The following NSUN6 variants were observed in gnomAD, a reference collection of about 807,000 sequenced individuals.
NSUN6 encodes the protein tRNA (cytosine(72)-C(5))-methyltransferase NSUN6.
Under a neutral mutation model 58.0 loss-of-function variants are expected in NSUN6, and 64 were observed. The observed-to-expected ratio is 1.10, with a 90% CI of 0.90 to 1.36. NSUN6 has a LOEUF of 1.36. Among genes scored for constraint, NSUN6 ranks in the 40% most tolerant of loss-of-function variants. NSUN6 has a pLI of 0.00. For synonymous variants in NSUN6, 231 were observed against 193.9 expected (o/e 1.19, Z -1.59); for missense variants, 701 against 550.1 (o/e 1.27, Z -2.74).
upstream of NSUN6, chr10:18,655,036 CA>C: frequency 1.0e-6 from 1 of 977,906 alleles, no homozygotes. Flanking sequence ...GAGAACTTCC[CA>C]TTTTTCTTGC....
chr10:18,567,617 CATTCCATTCTCT>C (rs1196738925), intron 8 of NSUN6, among the ~76,000 whole-genome samples: 3 of 149,586 alleles, frequency 2.0e-5, no homozygotes, highest in East Asian at 2.0e-4. Context: ...TTCTCTATTC[CATTCCATTCTCT>C]ATTCCATTCT....
intron 8 of NSUN6, among the ~76,000 whole-genome samples, chr10:18,580,155 A>AAACAAC (rs1227384995): frequency 6.6e-6 from 1 of 152,234 alleles, no homozygotes; most frequent in African/African-American, 2.4e-5. Flanking sequence ...GCAAAAACAA[A>AAACAAC]AACAACCCTT....
intron 7 of NSUN6, among the ~76,000 whole-genome samples, chr10:18,591,147 T>C (rs1273198486): frequency 6.6e-6 from 1 of 152,032 alleles, no homozygotes; most frequent in Non-Finnish European, 1.5e-5. Context: ...AAGAAATGGA[T>C]AAATTCCTGG....
chr10:18,558,436 G>A (rs1346435834), intron 8 of NSUN6, among the ~76,000 whole-genome samples: 1 of 150,556 alleles, frequency 6.6e-6, no homozygotes, highest in Non-Finnish European at 1.5e-5. Context: ...TGGAATGGAG[G>A]ATGGTGTGGA....
At chr10:18,571,312 C>T (rs1310532683) in intron 8 of NSUN6, among the ~76,000 whole-genome samples, 1 of 150,772 alleles carries the variant, frequency 6.6e-6, no homozygotes, top group African/African-American at 2.4e-5. Flanking sequence ...CATTCCATTC[C>T]CTTCTTTTCT....
chr10:18,584,146 A>AG (rs928833000), intron 8 of NSUN6, among the ~76,000 whole-genome samples: 8 of 152,122 alleles, frequency 5.3e-5, no homozygotes, highest in African/African-American at 1.9e-4. Context: ...TGTGGGGAGT[A>AG]GGGGGCACTT....
rs769052328 is a variant in NSUN6, at chr10:18,546,128, T to C, written c.1215A>G (p.Gly405=). 1 of 1,612,928 alleles carries C rather than the reference T, an allele frequency of 6.2e-7. No individual in the cohort carries two copies. Among genetic ancestry groups the C allele is most frequent in the South Asian group, 1.1e-5 (1 of 91,040 alleles). Reference sequence around the variant, plus strand: ...AGAGCCCAGCTCCCCTCATTCCTTCTCCTCCAATCTGCGGTTCCTGTTTGG... The same window carrying C: ...AGAGCCCAGCTCCCCTCATTCCTTCCCCTCCAATCTGCGGTTCCTGTTTGG... The part of the protein sequence containing the change: ...QLQPQEPQIG[G]EGMRGAGLSC... Residue 405 remains glycine, a synonymous_variant, in exon 11 of 11, where the codon GGA becomes GGG. Transcript: ENST00000377304.
chr10:18,560,053 A>G (rs1328408407), intron 8 of NSUN6, among the ~76,000 whole-genome samples: 1 of 95,486 alleles, frequency 1.0e-5, no homozygotes, highest in Admixed American at 1.3e-4. Flanking sequence ...TGGAGAATGG[A>G]ATGAAATGGA....
At chr10:18,557,991 C>T (rs1341789572) in intron 8 of NSUN6, among the ~76,000 whole-genome samples, 7 of 145,268 alleles carry the variant, frequency 4.8e-5, no homozygotes, top group Admixed American at 2.1e-4. Flanking sequence ...TAGAATGCAA[C>T]TGAATGGGAT....
At chr10:18,546,292 A>T in intron 10 of NSUN6, 147 bp from the exon 11 acceptor site, 4 of 683,134 alleles carry the variant, frequency 5.9e-6, no homozygotes, top group Non-Finnish European at 1.1e-5. Flanking sequence ...ATTTTGGTGG[A>T]ACATACGTGC....
At chr10:18,649,851 AT>A (rs1314203075) in intron 1 of NSUN6, among the ~76,000 whole-genome samples, 1 of 152,144 alleles carries the variant, frequency 6.6e-6, no homozygotes, top group Non-Finnish European at 1.5e-5. Context: ...TGTGCCTTAT[AT>A]TTTAAGTCCC....
intron 8 of NSUN6, among the ~76,000 whole-genome samples, chr10:18,583,351 C>G (rs568101763): frequency 1.3e-5 from 2 of 152,260 alleles, no homozygotes; most frequent in African/African-American, 4.8e-5. Context: ...CACCTGCACC[C>G]AGGTGAATTA....
intron 6 of NSUN6, among the ~76,000 whole-genome samples, chr10:18,602,919 A>G (rs573184163): frequency 2.0e-5 from 3 of 152,236 alleles, no homozygotes; most frequent in Non-Finnish European, 4.4e-5. Context: ...GAGGCTTATC[A>G]AGCTAATATC....
chr10:18,567,187 C>CTA, intron 8 of NSUN6, among the ~76,000 whole-genome samples: 1 of 148,688 alleles, frequency 6.7e-6, no homozygotes, highest in Non-Finnish European at 1.5e-5. Context: ...TCCATTCTCC[C>CTA]TTCCAGCCTA....
intron 3 of NSUN6, among the ~76,000 whole-genome samples, chr10:18,626,831 T>A (rs10734063): frequency 3.3e-5 from 5 of 152,056 alleles, no homozygotes; most frequent in African/African-American, 1.2e-4. Context: ...CCAGTCTCAT[T>A]TGGATTTCAA....
At chr10:18,557,144 G>A (rs527258331) in intron 8 of NSUN6, among the ~76,000 whole-genome samples, 1 of 150,598 alleles carries the variant, frequency 6.6e-6, no homozygotes, top group East Asian at 2.0e-4. Flanking sequence ...AATGGAATGG[G>A]GAATGGAATG....
intron 3 of NSUN6, among the ~76,000 whole-genome samples, chr10:18,630,511 G>A (rs2058989613): frequency 6.6e-6 from 1 of 151,952 alleles, no homozygotes; most frequent in Non-Finnish European, 1.5e-5. Flanking sequence ...CCGCTAGCAA[G>A]ACTAATAAAG....
intron 8 of NSUN6, among the ~76,000 whole-genome samples, chr10:18,580,698 G>C (rs1261157511): frequency 6.6e-6 from 1 of 152,180 alleles, no homozygotes. Flanking sequence ...GGCTCCAAGA[G>C]AAACAAACCA....
chr10:18,586,031 TA>T lies in NSUN6; in HGVS notation c.839del (p.Leu280TyrfsTer3). ...NKVEKIKQNA[L>X]LLGLNSIRAF... The stretch of plus-strand genomic sequence containing the variant: ...CCCTGATGGAATTCAGCCCTAACAA[TA>T]AGGCATTCTGTTTGATTTTTTCTAC... On this transcript the variant is annotated frameshift_variant, in exon 8 of 11. Transcript: ENST00000377304. LOFTEE classifies it high-confidence loss of function. The T allele has an allele frequency of 3.1e-6, 5 of 1,611,652 alleles. 1 individual carries two copies. The Admixed American group carries it at 8.4e-5, about 27-fold the overall frequency.
Sources: allele counts gnomAD v4.1 joint callset (sites outside exome capture counted in the v4.1 genomes callset), GRCh38; gene constraint gnomAD v4.1.1; transcripts MANE v1.5; gene names NCBI Gene and HGNC (gene_info 2026-07-23, HGNC 2026-07-21).